Variants in STAG1 observed in about 807,000 individuals in gnomAD.
The protein encoded by STAG1 is STAG1 cohesin complex component.
STAG1 carries 26 observed loss-of-function variants against 170.9 expected under a neutral mutation model. The ratio of observed to expected loss-of-function variants is 0.15; its 90% CI spans 0.11 to 0.21. The LOEUF (loss-of-function observed/expected upper bound fraction) is 0.21, where lower values mean the gene tolerates loss of function less well. STAG1 is among the 10% of genes least tolerant of loss of function. STAG1 has a pLI of 1.00. For synonymous variants in STAG1, 514 were observed against 497.7 expected, an observed-to-expected ratio of 1.03 and a Z score of -0.44; for missense variants, 964 against 1,509.5, an observed-to-expected ratio of 0.64 and a Z score of 5.99.
intron 13 of STAG1, among the ~76,000 whole-genome samples, chr3:136,458,743 T>TA (rs201269571): frequency 8.0e-5 from 12 of 150,918 alleles, no homozygotes; most frequent in Admixed American, 2.0e-4. Context: ...CTGAAACGAT[T>TA]AAAAAAAAAC....
chr3:136,608,025 G>A (rs1345630729), intron 3 of STAG1, among the ~76,000 whole-genome samples: 2 of 152,204 alleles, frequency 1.3e-5, no homozygotes, highest in African/African-American at 4.8e-5. Context: ...GGGAGGCCAA[G>A]GCGGGCAGAT....
chr3:136,573,172 T>C (rs1325338272), intron 4 of STAG1, among the ~76,000 whole-genome samples: 1 of 149,896 alleles, frequency 6.7e-6, no homozygotes, highest in Non-Finnish European at 1.5e-5. Flanking sequence ...AGCAAGACCT[T>C]ATCTTTAAAA....
intron 1 of STAG1, among the ~76,000 whole-genome samples, chr3:136,717,391 T>A (rs1046076549): frequency 1.4e-4 from 21 of 152,142 alleles, no homozygotes; most frequent in Admixed American, 5.2e-4. Context: ...AGGTCGGGTG[T>A]GGTGGCTCAT....
At chr3:136,422,702 AG>A (rs1176173635) in intron 18 of STAG1, 65 bp downstream of exon 18, 2 of 1,517,388 alleles carry the variant, frequency 1.3e-6, no homozygotes, top group African/African-American at 2.8e-5. Context: ...AGTCTATAAG[AG>A]TACATGAAAA....
At chr3:136,472,909 T>C (rs181718286) in intron 11 of STAG1, among the ~76,000 whole-genome samples, 73 of 152,270 alleles carry the variant, frequency 4.8e-4, no homozygotes, top group Non-Finnish European at 3.2e-4. Flanking sequence ...GGGTCCCCAA[T>C]CCTGGTCTGT....
At chr3:136,655,836 T>C (rs1211331141) in intron 1 of STAG1, among the ~76,000 whole-genome samples, 1 of 151,432 alleles carries the variant, frequency 6.6e-6, no homozygotes, top group Non-Finnish European at 1.5e-5. Context: ...GGATGTAAAA[T>C]GGTATAGCCA....
intron 9 of STAG1, among the ~76,000 whole-genome samples, chr3:136,484,443 C>A (rs1442857852): frequency 1.4e-5 from 2 of 147,578 alleles, no homozygotes; most frequent in African/African-American, 2.5e-5. Flanking sequence ...GTTCTCAGAT[C>A]TCCAGCTGCG....
intron 12 of STAG1, among the ~76,000 whole-genome samples, chr3:136,470,350 G>T (rs2089593652): frequency 6.6e-6 from 1 of 152,224 alleles, no homozygotes; most frequent in Admixed American, 6.5e-5. Flanking sequence ...CTTCTGAAAA[G>T]AAGACATTTA....
intron 1 of STAG1, among the ~76,000 whole-genome samples, chr3:136,715,171 CTT>C (rs35662353): frequency 7.5e-6 from 1 of 133,840 alleles, no homozygotes; most frequent in Admixed American, 7.5e-5. Context: ...GGTTTTTTAA[CTT>C]TTTTTTTTTT....
intron 15 of STAG1, 73 bp from the exon 16 acceptor site, chr3:136,433,732 A>T: frequency 2.9e-6 from 3 of 1,038,938 alleles, no homozygotes; most frequent in Non-Finnish European, 4.4e-6. Flanking sequence ...TGAACACATT[A>T]TTAAAAAAAC....
At chr3:136,577,399 A>T (rs1240931269) in intron 4 of STAG1, among the ~76,000 whole-genome samples, 6 of 152,206 alleles carry the variant, frequency 3.9e-5, no homozygotes, top group African/African-American at 1.2e-4. Context: ...GGAAGTAAGG[A>T]TCTTAACTGG....
At chr3:136,728,982 ATTC>A (rs1006884810) in intron 1 of STAG1, among the ~76,000 whole-genome samples, 5 of 152,014 alleles carry the variant, frequency 3.3e-5, no homozygotes, top group African/African-American at 9.7e-5. Flanking sequence ...TTCTGTAAAG[ATTC>A]TTTTGTTTTT....
chr3:136,725,460 A>T (rs888557572), intron 1 of STAG1, among the ~76,000 whole-genome samples: 9 of 152,238 alleles, frequency 5.9e-5, no homozygotes, highest in Non-Finnish European at 1.5e-5. Flanking sequence ...AAAGTTATTA[A>T]GTATGCAGAA....
chr3:136,358,026 T>C (rs912266160), intron 27 of STAG1, among the ~76,000 whole-genome samples, 178 bp from the exon 28 acceptor site: 5 of 151,500 alleles, frequency 3.3e-5, no homozygotes, highest in African/African-American at 1.2e-4. Flanking sequence ...ATTTATAGTA[T>C]GAAACTGTAA....
At chr3:136,515,614 T>C (rs969929460) in intron 7 of STAG1, among the ~76,000 whole-genome samples, 1 of 152,184 alleles carries the variant, frequency 6.6e-6, no homozygotes, top group East Asian at 1.9e-4. Context: ...GCTTATAAAG[T>C]AATTTTTAAA....
chr3:136,444,357 T>G (rs1174200033), intron 14 of STAG1, among the ~76,000 whole-genome samples: 2 of 152,188 alleles, frequency 1.3e-5, no homozygotes, highest in Non-Finnish European at 2.9e-5. Flanking sequence ...TACAGGTGTG[T>G]GCCACCATGC....
At chr3:136,463,735 ATGTGTGTGTGTG>A (rs140989476) in intron 13 of STAG1, among the ~76,000 whole-genome samples, 19 of 101,222 alleles carry the variant, frequency 1.9e-4, no homozygotes, top group African/African-American at 2.4e-4. Flanking sequence ...AAATGTGTAT[ATGTGTGTGTGTG>A]TGTGTGTGTG....
intron 1 of STAG1, among the ~76,000 whole-genome samples, chr3:136,650,467 T>A (rs916074223): frequency 1.3e-5 from 2 of 152,144 alleles, no homozygotes; most frequent in South Asian, 4.1e-4. Flanking sequence ...GTATTACATA[T>A]GCAATAAAAA....
intron 20 of STAG1, among the ~76,000 whole-genome samples, chr3:136,419,810 C>T (rs1483576649): frequency 6.6e-6 from 1 of 151,948 alleles, no homozygotes; most frequent in African/African-American, 2.4e-5. Flanking sequence ...TAAAAGCTAT[C>T]ATTTGAAAAT....
Sources: gnomAD v4.1 joint callset for allele counts (sites outside exome capture counted in the v4.1 genomes callset) on GRCh38, gnomAD v4.1.1 for gene constraint, MANE v1.5 for transcripts, NCBI Gene and HGNC (gene_info 2026-07-23, HGNC 2026-07-21) for gene names.